SNX21: variants seen among roughly 807,000 people sequenced by gnomAD.
SNX21 encodes the protein sorting nexin family member 21.
A neutral mutation model predicts 30.9 loss-of-function variants in SNX21; 36 were observed. That is an observed-to-expected ratio of 1.16 (90% confidence interval 0.89 to 1.54). SNX21 has a LOEUF of 1.54. Ranked by LOEUF, SNX21 falls within the 40% of genes most tolerant of loss-of-function variation. SNX21 has a pLI of 0.00. For missense variants in SNX21, 508 were observed against 516.5 expected, an observed-to-expected ratio of 0.98 and a Z score of 0.16; for synonymous variants, 218 against 222.7, an observed-to-expected ratio of 0.98 and a Z score of 0.19.
At position 45,833,894 on chromosome 20, in the gene SNX21, AC is replaced by A. The variant is rs1983227663; in HGVS notation, c.-22del. On this transcript the variant is annotated 5_prime_UTR_variant, in exon 1 of 4. The change abolishes the stop of an existing upstream ORF in the 5' untranslated region. Coordinates refer to ENST00000491381, the MANE Select transcript of SNX21 (RefSeq NM_033421.4). Reference sequence around the variant, plus strand: ...ATGGGCTGCGGGGGGCTGCACCCGGACCCCTGGGGCGCGGCGCGCCCCTGAA... The same window carrying A: ...ATGGGCTGCGGGGGGCTGCACCCGGACCCTGGGGCGCGGCGCGCCCCTGAA... The A allele has an allele frequency of 1.4e-5, 19 of 1,364,412 alleles. No homozygotes were observed. The highest frequency in any genetic ancestry group is 1.8e-5 in the Non-Finnish European group (19 of 1,058,246). 84.5% of individuals were successfully genotyped at this position (1,364,412 alleles called of 1,614,324 possible).
chr20:45,837,235 C>T (rs1314888440), intron 3 of SNX21, among the ~76,000 whole-genome samples: 1 of 152,160 alleles, frequency 6.6e-6, no homozygotes, highest in Admixed American at 6.5e-5. Context: ...TTATATAGAC[C>T]AGTGTGTCCT....
chr20:45,842,434 C>T lies in SNX21; in HGVS notation c.*1121C>T. The T allele has an allele frequency of 1.8e-6, 2 of 1,117,428 alleles. No homozygotes were observed. The highest frequency in any genetic ancestry group is 2.2e-6 in the Non-Finnish European group (2 of 912,610). 69.2% of individuals were successfully genotyped at this position (1,117,428 alleles called of 1,614,324 possible). A position where few individuals can be genotyped will look rare whatever the true frequency, so the allele number is the denominator to read the frequency against. On this transcript the variant is annotated 3_prime_UTR_variant, in exon 4 of 4. Transcript: ENST00000491381. ...ACTTGTGTTAGGAAAACTATCGGCT[C>T]CCTGTATAATAAATCAAGCCAGGTC...
intron 3 of SNX21, among the ~76,000 whole-genome samples, chr20:45,835,678 C>T (rs868696304): frequency 1.1e-4 from 17 of 152,158 alleles, no homozygotes; most frequent in South Asian, 4.1e-4. Flanking sequence ...GGCATTATGA[C>T]GTGGTCAATG....
In SNX21 at chr20:45,843,275, G is replaced by A; in HGVS notation, c.*1962G>A. 2 of 675,218 alleles carry A rather than the reference G, an allele frequency of 3.0e-6. No homozygotes were observed. The highest frequency in any genetic ancestry group is 2.5e-4 in the Middle Eastern group (1 of 4,018). 41.8% of individuals were successfully genotyped at this position (675,218 alleles called of 1,614,324 possible). A position where few individuals can be genotyped will look rare whatever the true frequency, so the allele number is the denominator to read the frequency against. ...ATTGTAATACAAAGAATCTGAACTG[G>A]TTTTGGGACTAGAACTGGGTCCCTG... On this transcript the variant is annotated 3_prime_UTR_variant, in exon 4 of 4. Transcript: ENST00000491381.
Position 45,841,305 on chromosome 20 carries a change from C to A in SNX21, c.1114C>A (p.Leu372Met). The change falls in exon 4 of 4, where the codon CTG (leucine) becomes ATG (methionine). Residue 372 changes from leucine to methionine, a missense_variant. By Grantham distance (15) the Leu-to-Met change is conservative. Transcript: ENST00000491381. ...SLKELLIKEVLD is the reference protein window; with the variant it reads ...SLKELLIKEVMD The stretch of plus-strand genomic sequence containing the variant: ...CAAAGAATTGCTCATCAAGGAGGTG[C>A]TGGACTAACCCTTGCCTAGATTTAA... The A allele has an allele frequency of 6.4e-7, 1 of 1,553,468 alleles. No individual in the cohort carries two copies. The highest frequency in any genetic ancestry group is 8.7e-7 in the Non-Finnish European group (1 of 1,153,484).
At chr20:45,837,209 TG>T (rs1983618698) in intron 3 of SNX21, among the ~76,000 whole-genome samples, 1 of 152,196 alleles carries the variant, frequency 6.6e-6, no homozygotes, top group South Asian at 2.1e-4. Flanking sequence ...GTAAACTAGA[TG>T]AACATAAAGG....
At position 45,840,928 on chromosome 20, in the gene SNX21, G is replaced by T; in HGVS notation, c.737G>T (p.Arg246Leu). The T allele has an allele frequency of 6.2e-7, 1 of 1,611,878 alleles. No individual in the cohort carries two copies. Among genetic ancestry groups the T allele is most frequent in the Non-Finnish European group, 8.5e-7 (1 of 1,179,362 alleles). The change falls in exon 4 of 4, where the codon CGG becomes CTG. Residue 246 changes from arginine (R) to leucine (L), a missense_variant. Transcript: ENST00000491381. ...QDFFVLPELR[R>L]AQSLTCTGLY... ...TTCTTCGTGCTGCCGGAGCTGCGGCGGGCACAGAGCCTCACCTGTACTGGC... is the reference window on the plus strand; with the variant it reads ...TTCTTCGTGCTGCCGGAGCTGCGGCTGGCACAGAGCCTCACCTGTACTGGC...
In SNX21 at chr20:45,840,989, C is replaced by G. The variant is rs1231693991; in HGVS notation, c.798C>G (p.Ala266=). The G allele has an allele frequency of 1.9e-6, 3 of 1,610,434 alleles. No homozygotes were observed. The highest frequency in any genetic ancestry group is 2.2e-5 in the East Asian group (1 of 44,848). Residue 266 remains alanine, a synonymous_variant, in exon 4 of 4, where the codon GCC becomes GCG. Transcript: ENST00000491381. ...AGGCTCTGGCACTCTGGGCCAATGC[C>G]TGGCAGCTGCAAGCCCAGCTGGGCA... ...YREALALWAN[A]WQLQAQLGTP... is the part of the protein sequence containing the mutation.
At chr20:45,840,386 G>A (rs561667191) in intron 3 of SNX21, 52 of 1,614,088 alleles carry the variant, frequency 3.2e-5, no homozygotes, top group East Asian at 6.7e-5. Flanking sequence ...CAGCAGCCCC[G>A]GGCACTGAAG....
rs993933782 is a variant in SNX21 at position 45,835,166 on chromosome 20, G to A, written c.447+50G>A. On this transcript the variant is annotated intron_variant, in intron 3 of 3. Transcript: ENST00000491381. ...GGCTGTGAGTCCAGAAGTATGGCTAGGAGCAAGTAGGGAAGACCCCAACTT... is the reference window on the plus strand; with the variant it reads ...GGCTGTGAGTCCAGAAGTATGGCTAAGAGCAAGTAGGGAAGACCCCAACTT... 9 of 1,548,570 alleles carry A rather than the reference G, an allele frequency of 5.8e-6. No homozygotes were observed. In the Admixed American group the frequency reaches 1.6e-4, roughly 27 times the overall value.
chr20:45,841,940 C>T lies in SNX21; in HGVS notation c.*627C>T. On this transcript the variant is annotated 3_prime_UTR_variant, in exon 4 of 4. Coordinates refer to ENST00000491381, the MANE Select transcript of SNX21 (RefSeq NM_033421.4). Reference sequence around the variant, plus strand: ...CCTGACGCCACAGCCGCCCATGGACCAGCCCCCGAGAGCCACCTGTGGGTG... The same window carrying T: ...CCTGACGCCACAGCCGCCCATGGACTAGCCCCCGAGAGCCACCTGTGGGTG... 1.2e-6 allele frequency: 2 copies of T among 1,613,332 alleles called. No individual in the cohort carries two copies. The highest frequency in any genetic ancestry group is 2.2e-5 in the East Asian group (1 of 44,878).
chr20:45,842,807 G>C lies in SNX21; in HGVS notation c.*1494G>C, dbSNP rs1366344199. 1.0e-6 allele frequency: 1 copy of C among 990,620 alleles called. No homozygotes were observed. 61.4% of individuals were successfully genotyped at this position (990,620 alleles called of 1,614,324 possible). ...ACTTCAAGGTTATCAATCTTGGATTGTGATGCTATTGGTACTTGAGAATAC... is the reference window on the plus strand; with the variant it reads ...ACTTCAAGGTTATCAATCTTGGATTCTGATGCTATTGGTACTTGAGAATAC... On this transcript the variant is annotated 3_prime_UTR_variant, in exon 4 of 4. Transcript: ENST00000491381.
rs1983217393 is a variant in SNX21 at position 45,833,833 on chromosome 20, A to T, written c.-87A>T. The T allele has an allele frequency of 3.3e-6, 4 of 1,229,226 alleles. No individual in the cohort carries two copies. Among genetic ancestry groups the T allele is most frequent in the Non-Finnish European group, 4.1e-6 (4 of 972,578 alleles). 76.1% of individuals were successfully genotyped at this position (1,229,226 alleles called of 1,614,324 possible). On this transcript the variant is annotated 5_prime_UTR_variant, in exon 1 of 4. Transcript: ENST00000491381. Reference sequence around the variant, plus strand: ...CCCGAGCGGCGCTCTGAGCGGCCTGAGCCCGGCGGAGCCCTGCAGAACCCG... The same window carrying T: ...CCCGAGCGGCGCTCTGAGCGGCCTGTGCCCGGCGGAGCCCTGCAGAACCCG...
At position 45,841,116 on chromosome 20, in the gene SNX21, G is replaced by A. The variant is rs1225945874; in HGVS notation, c.925G>A (p.Ala309Thr). ...AGAGGCCCGGGCATGCTGTGAGAAG[G>A]CCCTGCAGCTGCTTGGGGACAAGAG... ...PGEARACCEK[A>T]LQLLGDKSLH... Residue 309 changes from alanine to threonine, a missense_variant, in exon 4 of 4, where the codon GCC (alanine) becomes ACC (threonine). Coordinates refer to ENST00000491381, the MANE Select transcript of SNX21 (RefSeq NM_033421.4). 1 of 1,610,614 alleles carries A rather than the reference G, an allele frequency of 6.2e-7. No homozygotes were observed. The highest frequency in any genetic ancestry group is 1.7e-5 in the Admixed American group (1 of 59,498).
intron 2 of SNX21, 54 bp downstream of exon 2, chr20:45,834,522 C>G: frequency 8.6e-6 from 13 of 1,514,934 alleles, no homozygotes; most frequent in Non-Finnish European, 1.1e-5. Context: ...GGCCTCCATC[C>G]CAGCCGCGTT....
At chr20:45,834,506 C>G (rs768457941) in intron 2 of SNX21, 38 bp downstream of exon 2, 1 of 1,551,624 alleles carries the variant, frequency 6.4e-7, no homozygotes, top group Non-Finnish European at 8.7e-7. Flanking sequence ...CCCTGGGGCT[C>G]GATTAGGCCT....
rs775020869 is a variant in SNX21, at chr20:45,841,101, G to A, written c.910G>A (p.Ala304Thr). Residue 304 changes from alanine (A) to threonine (T), a missense_variant, in exon 4 of 4, where the codon GCA becomes ACA. Coordinates refer to ENST00000491381, the MANE Select transcript of SNX21 (RefSeq NM_033421.4). Reference protein sequence around the residue: ...QELEDPGEARACCEKALQLLG... With the variant: ...QELEDPGEARTCCEKALQLLG... ...GCTGGAAGACCCTGGAGAGGCCCGG[G>A]CATGCTGTGAGAAGGCCCTGCAGCT... 16 of 1,609,494 alleles carry A rather than the reference G, an allele frequency of 9.9e-6. No individual in the cohort carries two copies. The highest frequency in any genetic ancestry group is 1.4e-5 in the Non-Finnish European group (16 of 1,178,604).
chr20:45,834,696 C>T (rs1350162316), intron 2 of SNX21: 5 of 669,228 alleles, frequency 7.5e-6, no homozygotes, highest in Non-Finnish European at 1.2e-5. Flanking sequence ...CTCAGAATTG[C>T]TGCAGGCATT....
At position 45,840,881 on chromosome 20, in the gene SNX21, C is replaced by T. The variant is rs745755088; in HGVS notation, c.690C>T (p.Arg230=). The change falls in exon 4 of 4, where the codon CGC becomes CGT. Residue 230 remains arginine (R), a synonymous_variant. Coordinates refer to ENST00000491381, the MANE Select transcript of SNX21 (RefSeq NM_033421.4). ...ACCTGCAGGCAGTGCCTGAGCTGCG[C>T]CATGCCCCGGACCTGCAGGACTTCT... ...LGHLQAVPEL[R]HAPDLQDFFV... The T allele has an allele frequency of 6.2e-7, 1 of 1,613,572 alleles. No homozygotes were observed. The highest frequency in any genetic ancestry group is 8.5e-7 in the Non-Finnish European group (1 of 1,180,020).
Sources: gnomAD v4.1 joint callset for allele counts (sites outside exome capture counted in the v4.1 genomes callset) on GRCh38, gnomAD v4.1.1 for gene constraint, MANE v1.5 for transcripts, NCBI Gene and HGNC (gene_info 2026-07-23, HGNC 2026-07-21) for gene names.